The following PRKAR1B variants were observed in gnomAD, a reference collection of about 807,000 sequenced individuals.
PRKAR1B encodes protein kinase cAMP-dependent type I regulatory subunit beta.
PRKAR1B carries 22 observed loss-of-function variants against 46.5 expected under a neutral mutation model. The observed-to-expected ratio is 0.47, with a 90% CI of 0.34 to 0.68. The LOEUF (loss-of-function observed/expected upper bound fraction) is 0.68, where lower values mean the gene tolerates loss of function less well. Among genes scored for constraint, PRKAR1B ranks in the 30% least tolerant of loss-of-function variants. The pLI, the probability that PRKAR1B is intolerant of heterozygous loss-of-function variation, is 0.01. For missense variants in PRKAR1B, 445 were observed against 535.6 expected (o/e 0.83, Z 1.67); for synonymous variants, 259 against 217.7 (o/e 1.19, Z -1.67).
intron 9 of PRKAR1B, chr7:578,834 AC>A: frequency 3.5e-6 from 1 of 285,754 alleles, no homozygotes; most frequent in Non-Finnish European, 6.6e-6. Context: ...GGCATGTGCC[AC>A]CACACCCGGC....
intron 9 of PRKAR1B, among the ~76,000 whole-genome samples, chr7:557,990 C>G (rs1778554138): frequency 6.6e-6 from 1 of 152,138 alleles, no homozygotes; most frequent in Non-Finnish European, 1.5e-5. Context: ...GATTCATTTT[C>G]CTTGCGACTA....
chr7:610,090 G>C (rs1429766921), intron 4 of PRKAR1B, among the ~76,000 whole-genome samples: 2 of 152,102 alleles, frequency 1.3e-5, no homozygotes, highest in Admixed American at 1.3e-4. Flanking sequence ...ACCTGTTCCT[G>C]CCCAGATGGA....
rs150249129 is a variant in PRKAR1B, at chr7:694,258, C to G, written c.178-13532G>C. On this transcript the variant is annotated intron_variant, in intron 2 of 10. Transcript: ENST00000537384. ...TGAAATCGCACCACTGCACTCCAGC[C>G]TGGGCGAGAGAGCGAGACTCCATCT... 6.9e-3 allele frequency among the ~76,000 whole-genome samples: 1,057 copies of G among 152,218 alleles called. 14 individuals carry two copies. The highest frequency in any genetic ancestry group is 0.024 in the African/African-American group (1,015 of 41,500).
chr7:680,672 G>A lies in PRKAR1B; in HGVS notation c.232C>T (p.His78Tyr). The part of the protein sequence containing the change: ...RQKSNSQSDS[H>Y]DEEVSPTPPN... ...GGGGTGGGCGACACCTCCTCATCAT[G>A]GGAGTCCGACTGTGAGTTTGACTTT... Residue 78 changes from histidine to tyrosine, a missense_variant, in exon 3 of 11, where the codon CAT becomes TAT. Around this residue, in one of 5 missense-constraint regions of PRKAR1B, gnomAD observed 155 missense variants for 127.5 expected, o/e 1.22. Coordinates refer to ENST00000537384, the MANE Select transcript of PRKAR1B (RefSeq NM_001164760.2). The A allele has an allele frequency of 1.2e-6, 2 of 1,613,760 alleles. No individual in the cohort carries two copies. Among genetic ancestry groups the A allele is most frequent in the South Asian group, 1.1e-5 (1 of 91,036 alleles).
chr7:711,120 G>A (rs1291755647), intron 2 of PRKAR1B, among the ~76,000 whole-genome samples: 2 of 152,176 alleles, frequency 1.3e-5, no homozygotes, highest in African/African-American at 4.8e-5. Flanking sequence ...ACCCCACCTA[G>A]AGGCATGAAT....
At chr7:591,284 C>T (rs1780960285) in intron 7 of PRKAR1B, among the ~76,000 whole-genome samples, 1 of 152,236 alleles carries the variant, frequency 6.6e-6, no homozygotes, top group African/African-American at 2.4e-5. Flanking sequence ...GGCCGGTGGG[C>T]ACTGGGACCC....
chr7:642,829 A>T (rs1048851314), intron 4 of PRKAR1B, among the ~76,000 whole-genome samples: 1 of 151,380 alleles, frequency 6.6e-6, no homozygotes, highest in Non-Finnish European at 1.5e-5. Context: ...ATCAGGCAGC[A>T]CACTCGGTTC....
At chr7:643,253 G>C (rs923332008) in intron 4 of PRKAR1B, among the ~76,000 whole-genome samples, 2 of 151,474 alleles carry the variant, frequency 1.3e-5, no homozygotes, top group Non-Finnish European at 2.9e-5. Flanking sequence ...AATTTTGGAT[G>C]AGAAATACCG....
At chr7:556,377 C>T (rs984144107) in intron 9 of PRKAR1B, among the ~76,000 whole-genome samples, 5 of 149,610 alleles carry the variant, frequency 3.3e-5, no homozygotes, top group Non-Finnish European at 1.5e-5. Flanking sequence ...GTTTCCACTG[C>T]GACGTGGGTT....
At chr7:617,700 C>T (rs1022308715) in intron 4 of PRKAR1B, among the ~76,000 whole-genome samples, 1 of 152,176 alleles carries the variant, frequency 6.6e-6, no homozygotes, top group African/African-American at 2.4e-5. Context: ...CCATCTGTTT[C>T]CCCCGTCCTG....
intron 4 of PRKAR1B, among the ~76,000 whole-genome samples, chr7:665,966 G>A (rs1785897036): frequency 1.3e-5 from 2 of 152,230 alleles, no homozygotes; most frequent in Admixed American, 6.6e-5. Flanking sequence ...TAAAGCAGCA[G>A]AGAGCTGGAG....
chr7:623,834 C>T (rs771748621), intron 4 of PRKAR1B, among the ~76,000 whole-genome samples: 34 of 152,170 alleles, frequency 2.2e-4, no homozygotes, highest in African/African-American at 8.0e-4. Flanking sequence ...GAGAGAAGCG[C>T]GTGAATGGCC....
chr7:589,875 CAG>C (rs1271115497), intron 7 of PRKAR1B, among the ~76,000 whole-genome samples: 4 of 152,344 alleles, frequency 2.6e-5, no homozygotes, highest in Admixed American at 2.0e-4. Context: ...CTGCCCGGGA[CAG>C]AGAGAGGAGC....
At chr7:640,765 AACAC>A (rs71546454) in intron 4 of PRKAR1B, among the ~76,000 whole-genome samples, 307 of 108,174 alleles carry the variant, frequency 2.8e-3, no homozygotes, top group Non-Finnish European at 3.8e-3. Context: ...CTCTGTCTCA[AACAC>A]ACACACACAC....
intron 1 of PRKAR1B, among the ~76,000 whole-genome samples, chr7:724,480 C>A (rs1781180115): frequency 6.6e-6 from 1 of 152,210 alleles, no homozygotes; most frequent in Admixed American, 6.5e-5. Flanking sequence ...TGACTTGCTC[C>A]TTCCCGCCTT....
chr7:557,325 A>G (rs2128422621), intron 9 of PRKAR1B, among the ~76,000 whole-genome samples: 1 of 152,280 alleles, frequency 6.6e-6, no homozygotes, highest in South Asian at 2.1e-4. Flanking sequence ...TGGGACAGAC[A>G]CCCACCCACC....
intron 4 of PRKAR1B, among the ~76,000 whole-genome samples, chr7:637,979 C>A (rs950908794): frequency 9.1e-4 from 138 of 152,338 alleles, no homozygotes; most frequent in African/African-American, 3.0e-3. Flanking sequence ...AAGTGCATGA[C>A]ATAGAGGAGT....
rs746849639 is a variant in PRKAR1B at position 726,928 on chromosome 7, C to T, written c.-23+282G>A. On this transcript the variant is annotated intron_variant, in intron 1 of 10. Coordinates refer to ENST00000537384, the MANE Select transcript of PRKAR1B (RefSeq NM_001164760.2). ...CCCTGCCGCCGACCCCACCGCTTTC[C>T]AGGGCCCCTGGGCGCGCCTACTGCT... 1 of 1,348,714 alleles carries T rather than the reference C, an allele frequency of 7.4e-7. No individual in the cohort carries two copies. Among genetic ancestry groups the T allele is most frequent in the South Asian group, 1.6e-5 (1 of 60,728 alleles). The allele number at this position is 1,348,714 out of a possible 1,614,324, so 83.5% of individuals were successfully genotyped here.
intron 9 of PRKAR1B, among the ~76,000 whole-genome samples, chr7:574,664 G>A (rs949547350): frequency 6.6e-6 from 1 of 152,184 alleles, no homozygotes; most frequent in Non-Finnish European, 1.5e-5. Flanking sequence ...GGCTGATCTT[G>A]AAGTCCTGAC....
Sources: gnomAD v4.1 joint callset for allele counts (sites outside exome capture counted in the v4.1 genomes callset) on GRCh38, gnomAD v4.1.1 for gene constraint, gnomAD v4.1.1 regional missense constraint, MANE v1.5 for transcripts, NCBI Gene and HGNC (gene_info 2026-07-23, HGNC 2026-07-21) for gene names.